TMEM218: variants seen among roughly 807,000 people sequenced by gnomAD.
TMEM218 encodes the protein transmembrane protein 218.
In TMEM218, 8 loss-of-function variants were observed where a neutral mutation model predicts 10.0. The ratio of observed to expected loss-of-function variants is 0.80; its 90% CI spans 0.47 to 1.44. TMEM218 has a LOEUF of 1.44. Ranked by LOEUF, TMEM218 falls within the 40% of genes most tolerant of loss-of-function variation. The pLI is 0.00. For missense variants in TMEM218, 110 were observed against 140.1 expected (o/e 0.79, Z 1.08); for synonymous variants, 66 against 63.5 (o/e 1.04, Z -0.18).
At chr11:125,099,766 A>C (rs1028308289) in intron 4 of TMEM218, among the ~76,000 whole-genome samples, 4 of 152,066 alleles carry the variant, frequency 2.6e-5, no homozygotes, top group Non-Finnish European at 5.9e-5. Context: ...TCTACCAAAA[A>C]TACAAAAATT....
Position 125,100,169 on chromosome 11 carries a change from TGTC to T in TMEM218, c.213+1029_213+1031del, listed in dbSNP as rs767263079. 5.6e-4 allele frequency among the ~76,000 whole-genome samples: 85 copies of T among 152,366 alleles called. 1 individual carries two copies. The highest frequency in any genetic ancestry group is 1.3e-3 in the Admixed American group (20 of 15,306). On this transcript the variant is annotated intron_variant, in intron 4 of 4. Coordinates refer to ENST00000682305, the MANE Select transcript of TMEM218 (RefSeq NM_001258244.2). ...CACATATAATCTTGTGTACTGTTGT[TGTC>T]TAGTGTCAAAATGCTAACCCATGAG... is the stretch of plus-strand genomic sequence containing the variant.
At chr11:125,097,809 C>T in intron 4 of TMEM218, 69 bp from the exon 5 acceptor site, 2 of 1,493,254 alleles carry the variant, frequency 1.3e-6, no homozygotes, top group Non-Finnish European at 1.8e-6. Flanking sequence ...ACCTGAACTC[C>T]ATGATGAGTG....
chr11:125,102,773 G>T lies in TMEM218; in HGVS notation c.-116C>A. The stretch of plus-strand genomic sequence containing the variant: ...CAAGACAGAAAGTTCCCACTCTGTT[G>T]TCGAGTTCTTATTCAAGAGGATGAA... On this transcript the variant is annotated 5_prime_UTR_variant, in exon 2 of 5. Coordinates refer to ENST00000682305, the MANE Select transcript of TMEM218 (RefSeq NM_001258244.2). 1.6e-6 allele frequency: 2 copies of T among 1,220,074 alleles called. No homozygotes were observed. The highest frequency in any genetic ancestry group is 2.1e-6 in the Non-Finnish European group (2 of 934,548). The allele number at this position is 1,220,074 out of a possible 1,614,324, so 75.6% of individuals were successfully genotyped here. A position where few individuals can be genotyped will look rare whatever the true frequency, so the allele number is the denominator to read the frequency against.
rs1202222455 is a variant in TMEM218 at position 125,110,554 on chromosome 11, TGGATTAAAAATAC to T, written c.-153+972_-153+984del. 5 of 152,268 alleles carry T rather than the reference TGGATTAAAAATAC, an allele frequency of 3.3e-5. No homozygotes were observed. The East Asian group carries it at 9.6e-4, about 29-fold the overall frequency. 9.4% of individuals were successfully genotyped at this position (152,268 alleles called of 1,614,324 possible). ...ACTGATCCCTGCACAGGTAACCTAA[TGGATTAAAAATAC>T]GGTACTCATCACCAGGTTGATCATC... On this transcript the variant is annotated intron_variant, in intron 1 of 4. Transcript: ENST00000682305.
chr11:125,096,856 A>G lies in TMEM218; in HGVS notation c.*750T>C, dbSNP rs1407393440. ...AGTGAAGACACCCCAAAATGGACTCATGGTAATTAAATAAGGCACACACAG... is the reference window on the plus strand; with the variant it reads ...AGTGAAGACACCCCAAAATGGACTCGTGGTAATTAAATAAGGCACACACAG... On this transcript the variant is annotated 3_prime_UTR_variant, in exon 5 of 5. Coordinates refer to ENST00000682305, the MANE Select transcript of TMEM218 (RefSeq NM_001258244.2). 1 of 152,244 alleles carries G rather than the reference A, an allele frequency of 6.6e-6. No homozygotes were observed. The highest frequency in any genetic ancestry group is 1.5e-5 in the Non-Finnish European group (1 of 68,050). The allele number at this position is 152,244 out of a possible 1,614,324, so 9.4% of individuals were successfully genotyped here. A position where few individuals can be genotyped will look rare whatever the true frequency, so the allele number is the denominator to read the frequency against.
In TMEM218 at chr11:125,096,366, A is replaced by G. The variant is rs1418397331; in HGVS notation, c.*1240T>C. Among the ~76,000 whole-genome samples, 4 of 152,152 alleles carry G rather than the reference A, an allele frequency of 2.6e-5. No homozygotes were observed. The highest frequency in any genetic ancestry group is 2.9e-5 in the Non-Finnish European group (2 of 68,004). ...GGCCTTAACCTACCTGAAGCTCTCA[A>G]TCAGAGTTCCACAAACCCTAGTGTG... On this transcript the variant is annotated 3_prime_UTR_variant, in exon 5 of 5. Transcript: ENST00000682305.
rs1439634257 is a variant in TMEM218 at position 125,095,825 on chromosome 11, G to C, written c.*1781C>G. Among the ~76,000 whole-genome samples the C allele has an allele frequency of 6.6e-6, 1 of 152,046 alleles. No individual in the cohort carries two copies. Among genetic ancestry groups the C allele is most frequent in the African/African-American group, 2.4e-5 (1 of 41,382 alleles). Reference sequence around the variant, plus strand: ...TGATCTAATAGTTGAATAACTTTTGGGGGGAATAAAAAAGATGGATTCATG... The same window carrying C: ...TGATCTAATAGTTGAATAACTTTTGCGGGGAATAAAAAAGATGGATTCATG... On this transcript the variant is annotated 3_prime_UTR_variant, in exon 5 of 5. Transcript: ENST00000682305.
At position 125,096,738 on chromosome 11, in the gene TMEM218, TTGGTC is replaced by T; in HGVS notation, c.*863_*867del. The stretch of plus-strand genomic sequence containing the variant: ...CCCCTCCATTTAATGCAAATTTCAT[TTGGTC>T]TGGGAGATCAGACAGGTATAGAGTT... On this transcript the variant is annotated 3_prime_UTR_variant, in exon 5 of 5. Transcript: ENST00000682305. The T allele has an allele frequency of 6.6e-6, 1 of 152,270 alleles. No homozygotes were observed. Among genetic ancestry groups the T allele is most frequent in the African/African-American group, 2.4e-5 (1 of 41,544 alleles). The allele number at this position is 152,270 out of a possible 1,614,324, so 9.4% of individuals were successfully genotyped here.
At chr11:125,097,775 C>A in intron 4 of TMEM218, 35 bp from the exon 5 acceptor site, 1 of 1,604,356 alleles carries the variant, frequency 6.2e-7, no homozygotes, top group Non-Finnish European at 8.5e-7. Flanking sequence ...AAATTACTAC[C>A]AGTTAGACAC....
chr11:125,102,799 A>C lies in TMEM218; in HGVS notation c.-142T>G. On this transcript the variant is annotated 5_prime_UTR_variant, in exon 2 of 5. Transcript: ENST00000682305. ...TCGAGTTCTTATTCAAGAGGATGAA[A>C]ACTCCCAGTCCTTAAAGAAGAGGAA... 1.7e-5 allele frequency: 16 copies of C among 959,398 alleles called. 1 individual carries two copies. Among genetic ancestry groups the C allele is most frequent in the Middle Eastern group, 3.1e-4 (1 of 3,236 alleles). 59.4% of individuals were successfully genotyped at this position (959,398 alleles called of 1,614,324 possible).
At chr11:125,107,595 G>A (rs911306539) in intron 1 of TMEM218, among the ~76,000 whole-genome samples, 20 of 152,036 alleles carry the variant, frequency 1.3e-4, no homozygotes, top group South Asian at 2.1e-4. Flanking sequence ...GCATACACAC[G>A]TAGCACATTA....
chr11:125,111,597 G>C lies in TMEM218; in HGVS notation c.-211C>G, dbSNP rs1165188678. ...AGGCTCTACTCACACCTCAGATTCC[G>C]GCGCGTTCCAGCCCACGGGGCTCTG... On this transcript the variant is annotated 5_prime_UTR_variant, in exon 1 of 5. Coordinates refer to ENST00000682305, the MANE Select transcript of TMEM218 (RefSeq NM_001258244.2). The C allele has an allele frequency of 2.6e-5, 4 of 152,426 alleles. No individual in the cohort carries two copies. The highest frequency in any genetic ancestry group is 5.9e-5 in the Non-Finnish European group (4 of 68,234). 9.4% of individuals were successfully genotyped at this position (152,426 alleles called of 1,614,324 possible).
In TMEM218 at chr11:125,099,906, A is replaced by G. The variant is rs553821960; in HGVS notation, c.213+1295T>C. ...GCCACTGCACTCCAGCCTGGCCGAC[A>G]GAGCGAGACTGTCTCAAAAAAAAAA... On this transcript the variant is annotated intron_variant, in intron 4 of 4. Transcript: ENST00000682305. Among the ~76,000 whole-genome samples, 14 of 138,392 alleles carry G rather than the reference A, an allele frequency of 1.0e-4. No homozygotes were observed. The East Asian group carries it at 2.8e-3, about 28-fold the overall frequency. The allele number at this position is 138,392 out of a possible 152,430, so 90.8% of individuals were successfully genotyped here.
At chr11:125,103,372 C>G (rs1431094907) in intron 1 of TMEM218, 1 of 152,396 alleles carries the variant, frequency 6.6e-6, no homozygotes, top group Non-Finnish European at 1.5e-5. Context: ...GAAAAACTGT[C>G]TTCCATGAAA....
At chr11:125,110,851 G>GGGGC (rs1953715873) in intron 1 of TMEM218, 1 of 35,928 alleles carries the variant, frequency 2.8e-5, no homozygotes, top group Non-Finnish European at 7.2e-5. Flanking sequence ...CAAAAATAAC[G>GGGGC]GGGGGGGGGG....
Position 125,097,821 on chromosome 11 carries a change from G to A in TMEM218, c.214-81C>T, listed in dbSNP as rs1041934356. The A allele has an allele frequency of 9.4e-6, 13 of 1,385,186 alleles. No individual in the cohort carries two copies. In the African/African-American group the frequency reaches 1.6e-4, roughly 17 times the overall value. The allele number at this position is 1,385,186 out of a possible 1,614,324, so 85.8% of individuals were successfully genotyped here. On this transcript the variant is annotated intron_variant, in intron 4 of 4. Coordinates refer to ENST00000682305, the MANE Select transcript of TMEM218 (RefSeq NM_001258244.2). ...TTAACCTGAACTCCATGATGAGTGG[G>A]CCAAGAGTTAGTTCATGTGTATAAC...
At chr11:125,105,444 A>T (rs1951882357) in intron 1 of TMEM218, among the ~76,000 whole-genome samples, 1 of 152,218 alleles carries the variant, frequency 6.6e-6, no homozygotes, top group African/African-American at 2.4e-5. Context: ...CTACTCAGAG[A>T]CATACTTCAG....
At chr11:125,097,853 T>A in intron 4 of TMEM218, 113 bp from the exon 5 acceptor site, 1 of 988,668 alleles carries the variant, frequency 1.0e-6, no homozygotes, top group Non-Finnish European at 1.5e-6. Flanking sequence ...TAACTTCCAG[T>A]AACATCCTGC....
intron 3 of TMEM218, chr11:125,101,872 C>T (rs1950872725): frequency 1.9e-6 from 1 of 517,916 alleles, no homozygotes; most frequent in Non-Finnish European, 3.3e-6. Flanking sequence ...ACACATACAG[C>T]CTCAAGAAAC....
Sources: allele counts gnomAD v4.1 joint callset (sites outside exome capture counted in the v4.1 genomes callset), GRCh38; gene constraint gnomAD v4.1.1; transcripts MANE v1.5; gene names NCBI Gene and HGNC (gene_info 2026-07-23, HGNC 2026-07-21).